The following ZPLD1 variants were observed in gnomAD, a reference collection of about 807,000 sequenced individuals.
ZPLD1 encodes the protein zona pellucida-like domain-containing protein 1.
ZPLD1 carries 34 observed loss-of-function variants against 47.2 expected under a neutral mutation model. The observed-to-expected ratio is 0.72, with a 90% CI of 0.55 to 0.96. ZPLD1 has a LOEUF of 0.96. Among genes scored for constraint, ZPLD1 ranks in the 40% least tolerant of loss-of-function variants. The pLI, the probability that ZPLD1 is intolerant of heterozygous loss-of-function variation, is 0.00. For synonymous variants in ZPLD1, 176 were observed against 186.2 expected, an observed-to-expected ratio of 0.95 and a Z score of 0.45; for missense variants, 512 against 505.8, an observed-to-expected ratio of 1.01 and a Z score of -0.12.
At chr3:102,465,706 G>C (rs1269658640) in intron 8 of ZPLD1, among the ~76,000 whole-genome samples, 2 of 152,002 alleles carry the variant, frequency 1.3e-5, no homozygotes, top group East Asian at 3.9e-4. Context: ...TTTCTTATTG[G>C]AAACCATTCA....
chr3:102,439,461 G>T (rs114830613), intron 3 of ZPLD1, among the ~76,000 whole-genome samples: 436 of 152,260 alleles, frequency 2.9e-3, no homozygotes, highest in Non-Finnish European at 3.5e-3. Flanking sequence ...GGATGTAAGT[G>T]CTTGGTTTGT....
chr3:102,394,142 T>C (rs747404930), intron 7 of ZPLD1, among the ~76,000 whole-genome samples: 5 of 152,198 alleles, frequency 3.3e-5, no homozygotes, highest in Non-Finnish European at 7.4e-5. Flanking sequence ...TTCTGTAACA[T>C]TGGTTCATAA....
chr3:102,417,486 G>A (rs1403545336), intron 7 of ZPLD1, among the ~76,000 whole-genome samples: 2 of 151,918 alleles, frequency 1.3e-5, no homozygotes, highest in Non-Finnish European at 2.9e-5. Flanking sequence ...GGCTGGTGGA[G>A]GTGGGAGGTG....
At chr3:102,429,977 C>G (rs1376959853) in intron 8 of ZPLD1, among the ~76,000 whole-genome samples, 1 of 152,106 alleles carries the variant, frequency 6.6e-6, no homozygotes. Flanking sequence ...CTGTTATTTC[C>G]TTTTCAAAAT....
intron 8 of ZPLD1, among the ~76,000 whole-genome samples, chr3:102,429,260 T>C (rs1212472051): frequency 1.3e-5 from 2 of 152,180 alleles, no homozygotes; most frequent in Non-Finnish European, 2.9e-5. Flanking sequence ...TCTGCAACCA[T>C]GCAGCTTTTA....
Position 102,477,443 on chromosome 3 carries a change from G to T in ZPLD1, c.1073G>T (p.Gly358Val), listed in dbSNP as rs754068260. ...ACCGGGTGTGTTTTATTATTTGCAG[G>T]TTCTCCAAGTATGCCTCCCTTCCAG... Reference protein sequence around the residue: ...DETPTNNSQLGSPSMPPFQLN... With the variant: ...DETPTNNSQLVSPSMPPFQLN... The change falls in exon 12 of 12, where the codon GGT (glycine) becomes GTT (valine). Residue 358 changes from glycine to valine, a missense_variant and splice_region_variant. Physicochemically the swap from Gly to Val is moderately radical, Grantham distance 109. Coordinates refer to ENST00000466937, the MANE Select transcript of ZPLD1 (RefSeq NM_001329788.2). 4.2e-5 allele frequency: 67 copies of T among 1,610,406 alleles called. No homozygotes were observed. The highest frequency in any genetic ancestry group is 2.5e-4 in the East Asian group (11 of 44,862).
chr3:102,478,767 A>G lies in ZPLD1; in HGVS notation c.*1149A>G, dbSNP rs571888564. 6.6e-6 allele frequency: 1 copy of G among 152,030 alleles called. No homozygotes were observed. The highest frequency in any genetic ancestry group is 1.9e-4 in the East Asian group (1 of 5,184). 9.4% of individuals were successfully genotyped at this position (152,030 alleles called of 1,614,324 possible). A position where few individuals can be genotyped will look rare whatever the true frequency, so the allele number is the denominator to read the frequency against. ...CAAAAAAGCAAGCTTTAAGCAGCCC[A>G]TGTTCTTACAAAAAAAATCAACATT... On this transcript the variant is annotated 3_prime_UTR_variant, in exon 12 of 12. Transcript: ENST00000466937.
At chr3:102,466,286 C>T (rs1457547693) in intron 8 of ZPLD1, among the ~76,000 whole-genome samples, 1 of 152,018 alleles carries the variant, frequency 6.6e-6, no homozygotes, top group Non-Finnish European at 1.5e-5. Context: ...TTGGGGAAAC[C>T]CTTAAGGAAG....
rs147906714 is a variant in ZPLD1 at position 102,456,441 on chromosome 3, G to A, written c.509+67G>A. On this transcript the variant is annotated intron_variant, in intron 5 of 11. Transcript: ENST00000466937. ...TGCTTCAGGCATTTCGTATCTTTCA[G>A]GGACTTAGAAAGATAGCAGGATTTA... The A allele has an allele frequency of 2.7e-3, 3,694 of 1,368,758 alleles. 11 individuals carry two copies. The highest frequency in any genetic ancestry group is 7.2e-3 in the Middle Eastern group (39 of 5,418). The allele number at this position is 1,368,758 out of a possible 1,614,324, so 84.8% of individuals were successfully genotyped here.
intron 6 of ZPLD1, among the ~76,000 whole-genome samples, chr3:102,460,239 G>A (rs1458636012): frequency 6.6e-6 from 1 of 151,894 alleles, no homozygotes; most frequent in Non-Finnish European, 1.5e-5. Context: ...AACCCTTGAG[G>A]ATAATGAAAT....
At chr3:102,427,244 T>C (rs1467883093) in intron 8 of ZPLD1, among the ~76,000 whole-genome samples, 3 of 152,120 alleles carry the variant, frequency 2.0e-5, no homozygotes. Flanking sequence ...ATACCACCAA[T>C]AGCGACTTAT....
intron 7 of ZPLD1, among the ~76,000 whole-genome samples, chr3:102,397,085 G>A (rs75636725): frequency 0.041 from 6,297 of 152,136 alleles, 247 homozygotes; most frequent in African/African-American, 0.11. Flanking sequence ...AAGGACTGAT[G>A]CTTATGTTAG....
At chr3:102,464,508 T>C (rs1369884114) in intron 8 of ZPLD1, among the ~76,000 whole-genome samples, 1 of 152,200 alleles carries the variant, frequency 6.6e-6, no homozygotes, top group Admixed American at 6.5e-5. Context: ...TTTATTCATG[T>C]TTAGGAATAT....
rs1707773639 is a variant in ZPLD1 at position 102,477,382 on chromosome 3, G to A, written c.1073-61G>A. 5 of 1,542,472 alleles carry A rather than the reference G, an allele frequency of 3.2e-6. No homozygotes were observed. In the East Asian group the frequency reaches 1.1e-4, roughly 35 times the overall value. ...AAAGATGTTTTGCAGGTAAAATTGG[G>A]TCAAGGTGAGATAAATATTATATGG... On this transcript the variant is annotated intron_variant, in intron 11 of 11. Transcript: ENST00000466937.
rs774601847 is a variant in ZPLD1, at chr3:102,456,193, G to T, written c.328G>T (p.Val110Leu). The T allele has an allele frequency of 4.3e-6, 7 of 1,611,148 alleles. No homozygotes were observed. Among genetic ancestry groups the T allele is most frequent in the Non-Finnish European group, 5.9e-6 (7 of 1,178,742 alleles). The change falls in exon 5 of 12, where the codon GTA becomes TTA. Residue 110 changes from valine (V) to leucine (L), a missense_variant and splice_region_variant. Physicochemically the swap from Val to Leu is conservative, Grantham distance 32. Coordinates refer to ENST00000466937, the MANE Select transcript of ZPLD1 (RefSeq NM_001329788.2). ...TAAACTGCATCTAACATTCTAACAG[G>T]TATCCACAATTCCTGGAGTCAGTGC... ...TLEGCGNNLV[V>L]STIPGVSAYG... is the part of the protein sequence containing the mutation.
At chr3:102,386,013 C>G (rs747869894) in intron 6 of ZPLD1, among the ~76,000 whole-genome samples, 1 of 152,108 alleles carries the variant, frequency 6.6e-6, no homozygotes, top group Non-Finnish European at 1.5e-5. Context: ...TTCTTCGAAC[C>G]GGTAGTGTCT....
chr3:102,395,844 C>T (rs2107287788), intron 7 of ZPLD1, among the ~76,000 whole-genome samples: 1 of 152,234 alleles, frequency 6.6e-6, no homozygotes, highest in Non-Finnish European at 1.5e-5. Flanking sequence ...TTGTATATTC[C>T]TATCCTTTTA....
At chr3:102,399,442 T>C (rs951772651) in intron 7 of ZPLD1, among the ~76,000 whole-genome samples, 2 of 152,116 alleles carry the variant, frequency 1.3e-5, no homozygotes, top group Non-Finnish European at 2.9e-5. Context: ...TTTGCTTTTG[T>C]TGTCACCTAA....
At position 102,469,134 on chromosome 3, in the gene ZPLD1, CG is replaced by C; in HGVS notation, c.933+1del. 1 of 1,605,088 alleles carries C rather than the reference CG, an allele frequency of 6.2e-7. No homozygotes were observed. ...CRADDCPFLM[P>X]ICSHRERRDA... is the part of the protein sequence containing the mutation. ...GCAGATGACTGCCCCTTCCTTATGC[CG>C]GTATGTTTTTAAGGAACTTCATTTT... On this transcript the variant is annotated frameshift_variant and splice_region_variant, in exon 9 of 12. Coordinates refer to ENST00000466937, the MANE Select transcript of ZPLD1 (RefSeq NM_001329788.2). LOFTEE classifies it high-confidence loss of function.
Sources: allele counts gnomAD v4.1 joint callset (sites outside exome capture counted in the v4.1 genomes callset), GRCh38; gene constraint gnomAD v4.1.1; transcripts MANE v1.5; gene names NCBI Gene and HGNC (gene_info 2026-07-23, HGNC 2026-07-21).